AMPH: variants seen among roughly 807,000 people sequenced by gnomAD.
The protein encoded by AMPH is amphiphysin (Stiff-Mann syndrome with breast cancer 128kD autoantigen).
In AMPH, 49 loss-of-function variants were observed where a neutral mutation model predicts 99.1. The observed-to-expected ratio is 0.49, with a 90% confidence interval of 0.39 to 0.63. AMPH has a LOEUF of 0.63. Ranked by LOEUF, AMPH falls within the 20% of genes least tolerant of loss-of-function variation. The pLI is 0.00. For synonymous variants in AMPH, 314 were observed against 317.3 expected, an observed-to-expected ratio of 0.99 and a Z score of 0.11; for missense variants, 759 against 863.4, an observed-to-expected ratio of 0.88 and a Z score of 1.52.
intron 5 of AMPH, among the ~76,000 whole-genome samples, chr7:38,488,577 C>T (rs12154302): frequency 0.096 from 14,638 of 151,792 alleles, 954 homozygotes; most frequent in Middle Eastern, 0.2. Context: ...GCAGATGATG[C>T]GTTGATGGGT....
intron 2 of AMPH, among the ~76,000 whole-genome samples, chr7:38,532,053 C>A (rs1269535627): frequency 2.0e-5 from 3 of 152,118 alleles, no homozygotes; most frequent in African/African-American, 7.2e-5. Flanking sequence ...AAATTGATCA[C>A]CAATACATAT....
At chr7:38,421,268 A>T (rs1785571605) in intron 16 of AMPH, among the ~76,000 whole-genome samples, 1 of 152,182 alleles carries the variant, frequency 6.6e-6, no homozygotes, top group South Asian at 2.1e-4. Flanking sequence ...AATTATAACC[A>T]ATTGCCTTTC....
intron 1 of AMPH, among the ~76,000 whole-genome samples, chr7:38,535,949 C>A (rs1562813519): frequency 6.6e-6 from 1 of 152,096 alleles, no homozygotes; most frequent in Non-Finnish European, 1.5e-5. Flanking sequence ...TTCATAGGGA[C>A]AGTATTAGAA....
intron 1 of AMPH, among the ~76,000 whole-genome samples, chr7:38,538,337 T>C (rs146999430): frequency 6.6e-6 from 1 of 152,200 alleles, no homozygotes; most frequent in Non-Finnish European, 1.5e-5. Flanking sequence ...TACTAAAGAC[T>C]GTGTGTCAAA....
intron 2 of AMPH, among the ~76,000 whole-genome samples, chr7:38,517,123 G>A (rs1789777028): frequency 6.6e-6 from 1 of 152,218 alleles, no homozygotes; most frequent in African/African-American, 2.4e-5. Context: ...GCTGAAATGA[G>A]TTAAGACTTG....
At chr7:38,608,613 C>A (rs991231980) in intron 1 of AMPH, among the ~76,000 whole-genome samples, 4 of 152,132 alleles carry the variant, frequency 2.6e-5, no homozygotes, top group African/African-American at 9.7e-5. Flanking sequence ...TCTCCCCAAT[C>A]CTCCAATATA....
intron 20 of AMPH, 51 bp from the exon 21 acceptor site, chr7:38,384,976 C>G (rs1453752379): frequency 6.9e-7 from 1 of 1,443,994 alleles, no homozygotes; most frequent in African/African-American, 1.4e-5. Flanking sequence ...CTGGAAAATC[C>G]ACACTGCCAC....
intron 1 of AMPH, among the ~76,000 whole-genome samples, chr7:38,601,720 C>T (rs1333489158): frequency 6.6e-6 from 1 of 152,168 alleles, no homozygotes; most frequent in African/African-American, 2.4e-5. Flanking sequence ...CCTGGAAATC[C>T]CAGCTCCACT....
chr7:38,419,330 T>A (rs1785503185), intron 16 of AMPH, among the ~76,000 whole-genome samples: 1 of 152,144 alleles, frequency 6.6e-6, no homozygotes, highest in Non-Finnish European at 1.5e-5. Context: ...GTATTTGTCT[T>A]ATGTTTCCCA....
intron 1 of AMPH, among the ~76,000 whole-genome samples, chr7:38,567,761 A>G (rs1188327779): frequency 6.6e-6 from 1 of 152,158 alleles, no homozygotes; most frequent in South Asian, 2.1e-4. Context: ...AAATAATTAG[A>G]ATAGTTTTTA....
At chr7:38,506,603 A>G (rs545688321) in intron 2 of AMPH, among the ~76,000 whole-genome samples, 1 of 152,344 alleles carries the variant, frequency 6.6e-6, no homozygotes, top group Admixed American at 6.5e-5. Context: ...GCTTGAATCC[A>G]TTAAGGCCAC....
intron 2 of AMPH, among the ~76,000 whole-genome samples, chr7:38,520,339 A>T (rs977883395): frequency 1.3e-5 from 2 of 152,202 alleles, no homozygotes; most frequent in African/African-American, 4.8e-5. Context: ...AATGTTTTGC[A>T]TGTATAGTCA....
chr7:38,509,787 C>T (rs528796425), intron 2 of AMPH, among the ~76,000 whole-genome samples: 4 of 152,252 alleles, frequency 2.6e-5, no homozygotes, highest in East Asian at 3.9e-4. Flanking sequence ...GGAGAGCTGA[C>T]CCAAAAATCA....
intron 12 of AMPH, among the ~76,000 whole-genome samples, chr7:38,434,182 A>G (rs898285664): frequency 6.6e-6 from 1 of 152,168 alleles, no homozygotes; most frequent in African/African-American, 2.4e-5. Context: ...ACAGGGACAC[A>G]CACAGCTTGC....
intron 2 of AMPH, among the ~76,000 whole-genome samples, chr7:38,511,333 C>G (rs1789533073): frequency 6.6e-6 from 1 of 152,202 alleles, no homozygotes; most frequent in South Asian, 2.1e-4. Flanking sequence ...GAAAAACCCT[C>G]CCAAAACAAG....
intron 17 of AMPH, among the ~76,000 whole-genome samples, chr7:38,414,388 A>T (rs1247034067): frequency 6.6e-6 from 1 of 152,230 alleles, no homozygotes; most frequent in African/African-American, 2.4e-5. Flanking sequence ...AAACTATGCT[A>T]ACTCTAAATT....
At chr7:38,434,906 G>A (rs1249000422) in intron 12 of AMPH, among the ~76,000 whole-genome samples, 1 of 152,164 alleles carries the variant, frequency 6.6e-6, no homozygotes, top group Non-Finnish European at 1.5e-5. Flanking sequence ...CAAACTTGTT[G>A]ACAATACTTT....
At chr7:38,625,079 G>C (rs1794198087) in intron 1 of AMPH, among the ~76,000 whole-genome samples, 2 of 152,130 alleles carry the variant, frequency 1.3e-5, no homozygotes, top group Admixed American at 1.3e-4. Flanking sequence ...TAGAAGGTAA[G>C]AATGAAGCAC....
chr7:38,488,019 A>C (rs1211232339), intron 5 of AMPH, among the ~76,000 whole-genome samples: 1 of 152,224 alleles, frequency 6.6e-6, no homozygotes, highest in Non-Finnish European at 1.5e-5. Context: ...AAAAGTCAGG[A>C]AACAACAGAT....
Sources: allele counts gnomAD v4.1 joint callset (sites outside exome capture counted in the v4.1 genomes callset), GRCh38; gene constraint gnomAD v4.1.1; transcripts MANE v1.5; gene names NCBI Gene and HGNC (gene_info 2026-07-23, HGNC 2026-07-21).